Variants in CELF2 observed in about 807,000 individuals in gnomAD.
CELF2 encodes CUG triplet repeat RNA-binding protein 2.
Under a neutral mutation model 62.6 loss-of-function variants are expected in CELF2, and 8 were observed. The ratio of observed to expected loss-of-function variants is 0.13; its 90% CI spans 0.07 to 0.23. The LOEUF is 0.23. Ranked by LOEUF, CELF2 falls within the 10% of genes least tolerant of loss-of-function variation. The pLI is 1.00. For synonymous variants in CELF2, 258 were observed against 250.0 expected (o/e 1.03, Z -0.30); for missense variants, 333 against 671.0 (o/e 0.50, Z 5.56).
intron 1 of CELF2, among the ~76,000 whole-genome samples, chr10:11,047,175 G>C (rs2063008433): frequency 6.6e-6 from 1 of 152,120 alleles, no homozygotes; most frequent in South Asian, 2.1e-4. Context: ...TTGCTACTTA[G>C]AAGGGAATAC....
At chr10:10,661,318 A>G in the CELF2 span, among the ~76,000 whole-genome samples, 2 of 152,214 alleles carry the variant, frequency 1.3e-5, no homozygotes, top group African/African-American at 2.4e-5. Context: ...TTGAGATTCA[A>G]CTATGGTTGT....
chr10:10,538,180 A>G, the CELF2 span, among the ~76,000 whole-genome samples: 1 of 152,162 alleles, frequency 6.6e-6, no homozygotes, highest in Non-Finnish European at 1.5e-5. Flanking sequence ...CTTCAGTAGC[A>G]GGGTACTACC....
rs905719997 is a variant in CELF2 at position 11,210,120 on chromosome 10, A to G, written c.272-7305A>G. 4.6e-5 allele frequency among the ~76,000 whole-genome samples: 7 copies of G among 152,252 alleles called. No individual in the cohort carries two copies. In the East Asian group the frequency reaches 1.2e-3, roughly 25 times the overall value. ...TGTAAAGGAATTTCCTATTTACAAC[A>G]TGATGACTTTTTTGATGTCCTGAAT... On this transcript the variant is annotated intron_variant, in intron 2 of 12. Transcript: ENST00000633077.
At chr10:11,034,035 A>G (rs971087111) in intron 1 of CELF2, among the ~76,000 whole-genome samples, 1 of 152,236 alleles carries the variant, frequency 6.6e-6, no homozygotes, top group Non-Finnish European at 1.5e-5. Flanking sequence ...TCTAAGTCTC[A>G]TATAATGTGC....
chr10:11,001,415 C>T (rs780807519), upstream of CELF2, among the ~76,000 whole-genome samples: 2 of 152,098 alleles, frequency 1.3e-5, no homozygotes, highest in Non-Finnish European at 2.9e-5. Context: ...CTTTCTATTA[C>T]TTTTGCAATG....
chr10:10,867,890 A>G (rs1317312560), intron 1 of CELF2, among the ~76,000 whole-genome samples: 1 of 152,206 alleles, frequency 6.6e-6, no homozygotes, highest in Non-Finnish European at 1.5e-5. Context: ...TCGTTTCCAC[A>G]TATCTGATAT....
intron 8 of CELF2, among the ~76,000 whole-genome samples, chr10:11,286,888 C>T (rs1237896253): frequency 6.6e-6 from 1 of 152,162 alleles, no homozygotes; most frequent in Admixed American, 6.5e-5. Flanking sequence ...GTCTGGATGT[C>T]TCCTGGAAGA....
chr10:10,762,948 A>C, the CELF2 span, among the ~76,000 whole-genome samples: 10 of 152,184 alleles, frequency 6.6e-5, no homozygotes, highest in African/African-American at 2.4e-4. Flanking sequence ...CTAAAATAAA[A>C]TAAATTATAA....
intron 2 of CELF2, among the ~76,000 whole-genome samples, chr10:11,202,107 T>G (rs2059349353): frequency 6.6e-6 from 1 of 152,216 alleles, no homozygotes; most frequent in Admixed American, 6.5e-5. Context: ...TTTCATTGAG[T>G]TGACCAAGTT....
the CELF2 span, among the ~76,000 whole-genome samples, chr10:10,612,887 C>T: frequency 2.0e-5 from 3 of 152,270 alleles, no homozygotes; most frequent in East Asian, 5.8e-4. Flanking sequence ...TAAGAAAGAT[C>T]TTACTTGGTG....
chr10:11,058,402 T>G (rs1447050582), intron 1 of CELF2, among the ~76,000 whole-genome samples: 1 of 152,132 alleles, frequency 6.6e-6, no homozygotes, highest in East Asian at 1.9e-4. Context: ...GTATAAAGTA[T>G]TATTTTTCAA....
chr10:11,069,501 G>T (rs367729267), intron 1 of CELF2, among the ~76,000 whole-genome samples: 1 of 152,216 alleles, frequency 6.6e-6, no homozygotes, highest in East Asian at 1.9e-4. Context: ...TCATTCAGTA[G>T]GGAGTACTTC....
intron 1 of CELF2, among the ~76,000 whole-genome samples, chr10:11,125,105 A>G (rs998517430): frequency 6.6e-6 from 1 of 152,180 alleles, no homozygotes; most frequent in African/African-American, 2.4e-5. Context: ...TTCAGGTTCA[A>G]CAGGCTCTCT....
intron 1 of CELF2, among the ~76,000 whole-genome samples, chr10:10,873,493 A>G (rs554185141): frequency 7.9e-5 from 12 of 152,330 alleles, no homozygotes; most frequent in Non-Finnish European, 1.6e-4. Flanking sequence ...CTGAGTCTCA[A>G]GCTGGATTCT....
chr10:10,643,494 T>A, the CELF2 span, among the ~76,000 whole-genome samples: 1 of 152,182 alleles, frequency 6.6e-6, no homozygotes, highest in East Asian at 1.9e-4. Flanking sequence ...GAACTGTGAA[T>A]CCATTAAGCC....
intron 1 of CELF2, among the ~76,000 whole-genome samples, chr10:10,887,428 C>T (rs2061830510): frequency 6.6e-6 from 1 of 152,128 alleles, no homozygotes; most frequent in Non-Finnish European, 1.5e-5. Context: ...TTCAGGCAGG[C>T]GTTTCAGCGC....
chr10:10,940,227 T>A (rs1489369152), intron 2 of CELF2, among the ~76,000 whole-genome samples: 4 of 152,158 alleles, frequency 2.6e-5, no homozygotes, highest in African/African-American at 9.7e-5. Flanking sequence ...TTCACATCAA[T>A]AGTTATACCC....
the CELF2 span, among the ~76,000 whole-genome samples, chr10:10,710,892 A>C: frequency 6.6e-6 from 1 of 152,244 alleles, no homozygotes; most frequent in African/African-American, 2.4e-5. Context: ...ACAGAAAAAT[A>C]AACTAAGTAC....
chr10:11,172,065 A>G (rs904953463), intron 2 of CELF2, among the ~76,000 whole-genome samples: 8 of 152,208 alleles, frequency 5.3e-5, no homozygotes, highest in Admixed American at 5.2e-4. Flanking sequence ...AGGAAGATGA[A>G]CCTACACTAC....
Sources: gnomAD v4.1 joint callset for allele counts (sites outside exome capture counted in the v4.1 genomes callset) on GRCh38, gnomAD v4.1.1 for gene constraint, MANE v1.5 for transcripts, NCBI Gene and HGNC (gene_info 2026-07-23, HGNC 2026-07-21) for gene names.